GRIK2: variants seen among roughly 807,000 people sequenced by gnomAD.
GRIK2 encodes the protein glutamate receptor ionotropic, kainate 2.
GRIK2 carries 32 observed loss-of-function variants against 100.3 expected under a neutral mutation model. The observed-to-expected ratio is 0.32, with a 90% CI of 0.24 to 0.43. The LOEUF is 0.43. Ranked by LOEUF, GRIK2 falls within the 20% of genes least tolerant of loss-of-function variation. The probability of loss-of-function intolerance (pLI) is 1.00; values close to 1 mark genes in which losing one functional copy is unlikely to be tolerated. For synonymous variants in GRIK2, 417 were observed against 389.4 expected (o/e 1.07, Z -0.83); for missense variants, 843 against 1,114.9 (o/e 0.76, Z 3.47).
chr6:101,793,053 C>T (rs1780003927), intron 7 of GRIK2, among the ~76,000 whole-genome samples: 1 of 152,186 alleles, frequency 6.6e-6, no homozygotes, highest in South Asian at 2.1e-4. Context: ...TGGCTTTCAC[C>T]TCCGTCAGCT....
At chr6:101,397,471 A>C (rs1157902353) in intron 1 of GRIK2, among the ~76,000 whole-genome samples, 1 of 152,210 alleles carries the variant, frequency 6.6e-6, no homozygotes, top group Non-Finnish European at 1.5e-5. Context: ...ATTTGATTGA[A>C]TTGCCTGCTA....
chr6:101,506,625 T>G (rs886923790), intron 2 of GRIK2, among the ~76,000 whole-genome samples: 3 of 152,170 alleles, frequency 2.0e-5, no homozygotes, highest in Admixed American at 6.6e-5. Context: ...ATTTCTTAAC[T>G]GCGTAGACTA....
At chr6:101,925,907 A>G (rs1197085322) in intron 13 of GRIK2, among the ~76,000 whole-genome samples, 3 of 152,016 alleles carry the variant, frequency 2.0e-5, no homozygotes, top group Admixed American at 6.5e-5. Flanking sequence ...AAGTGAAAAT[A>G]CATAACTACA....
At chr6:101,568,530 A>T (rs1777387250) in intron 2 of GRIK2, among the ~76,000 whole-genome samples, 1 of 152,084 alleles carries the variant, frequency 6.6e-6, no homozygotes, top group Non-Finnish European at 1.5e-5. Context: ...GTCCTCTAGC[A>T]TATAGACTGT....
intron 2 of GRIK2, among the ~76,000 whole-genome samples, chr6:101,465,134 A>G (rs985355680): frequency 1.3e-5 from 2 of 152,142 alleles, no homozygotes; most frequent in South Asian, 2.1e-4. Flanking sequence ...TTTTTAATTT[A>G]TACACATAAC....
At chr6:101,909,764 G>T (rs1582513406) in intron 12 of GRIK2, among the ~76,000 whole-genome samples, 1 of 151,074 alleles carries the variant, frequency 6.6e-6, no homozygotes, top group East Asian at 1.9e-4. Context: ...AGATATATAT[G>T]CATTGTGTAA....
At chr6:101,640,066 G>T (rs903021556) in intron 4 of GRIK2, among the ~76,000 whole-genome samples, 2 of 152,036 alleles carry the variant, frequency 1.3e-5, no homozygotes, top group African/African-American at 4.8e-5. Flanking sequence ...TTTCTTTTGA[G>T]AAAACAAAAC....
At chr6:101,599,580 T>A (rs1260162001) in intron 2 of GRIK2, among the ~76,000 whole-genome samples, 1 of 151,286 alleles carries the variant, frequency 6.6e-6, no homozygotes, top group Non-Finnish European at 1.5e-5. Context: ...CTAGCCTCTA[T>A]ACTTTTTTAT....
At chr6:101,668,619 G>A (rs1770205297) in intron 4 of GRIK2, among the ~76,000 whole-genome samples, 1 of 152,044 alleles carries the variant, frequency 6.6e-6, no homozygotes, top group Admixed American at 6.6e-5. Context: ...AATCATTTTT[G>A]TGTAGCTTAT....
At chr6:101,938,881 A>G (rs1367677858) in intron 14 of GRIK2, among the ~76,000 whole-genome samples, 1 of 152,040 alleles carries the variant, frequency 6.6e-6, no homozygotes, top group Non-Finnish European at 1.5e-5. Flanking sequence ...TCCTGATAGT[A>G]TTTGAATTAT....
rs570914655 is a variant in GRIK2, at chr6:101,695,396, A to T, written c.951+9043A>T. On this transcript the variant is annotated intron_variant, in intron 7 of 16. Transcript: ENST00000369134. ...CATCTCTCAAAAGCCACACCTTTTA[A>T]TTCTGTTTTATTGGGGATTAAGTTT... Among the ~76,000 whole-genome samples the T allele has an allele frequency of 1.1e-3, 167 of 152,260 alleles. 2 individuals are homozygous for T. Among genetic ancestry groups the T allele is most frequent in the Admixed American group, 0.01 (159 of 15,264 alleles).
chr6:101,523,880 T>C (rs1775013046), intron 2 of GRIK2, among the ~76,000 whole-genome samples: 1 of 151,928 alleles, frequency 6.6e-6, no homozygotes. Context: ...CCAGCACGTG[T>C]GGCTAATTTT....
At chr6:102,012,700 C>A (rs543355520) in intron 14 of GRIK2, among the ~76,000 whole-genome samples, 1 of 152,184 alleles carries the variant, frequency 6.6e-6, no homozygotes, top group African/African-American at 2.4e-5. Context: ...ACTTTGAATC[C>A]TAAAACCTTG....
intron 10 of GRIK2, among the ~76,000 whole-genome samples, chr6:101,852,007 A>G (rs1784161033): frequency 6.6e-6 from 1 of 151,632 alleles, no homozygotes; most frequent in South Asian, 2.1e-4. Flanking sequence ...TTTTTTCATA[A>G]TAGATATAAT....
chr6:101,439,656 AT>A (rs1769935480), intron 2 of GRIK2, among the ~76,000 whole-genome samples: 1 of 152,120 alleles, frequency 6.6e-6, no homozygotes, highest in Admixed American at 6.6e-5. Flanking sequence ...ATCATTATAC[AT>A]GTAAATATGT....
intron 7 of GRIK2, among the ~76,000 whole-genome samples, chr6:101,743,829 G>T (rs1287744351): frequency 1.3e-5 from 2 of 152,060 alleles, no homozygotes; most frequent in African/African-American, 2.4e-5. Context: ...TTTAAAAAAC[G>T]TTAATAGGTT....
intron 14 of GRIK2, among the ~76,000 whole-genome samples, chr6:101,990,287 A>G (rs1794285934): frequency 6.6e-6 from 1 of 151,840 alleles, no homozygotes; most frequent in Non-Finnish European, 1.5e-5. Flanking sequence ...TATTATCCAC[A>G]TTCACATTTA....
chr6:101,658,577 G>A (rs1029961733), intron 4 of GRIK2, among the ~76,000 whole-genome samples: 1 of 112,960 alleles, frequency 8.9e-6, no homozygotes, highest in Non-Finnish European at 2.1e-5. Flanking sequence ...TCAGTAGTGG[G>A]ATTGCTGGAT....
intron 14 of GRIK2, among the ~76,000 whole-genome samples, chr6:101,965,936 T>G (rs1792643555): frequency 6.6e-6 from 1 of 152,186 alleles, no homozygotes; most frequent in African/African-American, 2.4e-5. Context: ...ATTATTCTTT[T>G]TATAATAATT....
Sources: gnomAD v4.1 joint callset for allele counts (sites outside exome capture counted in the v4.1 genomes callset) on GRCh38, gnomAD v4.1.1 for gene constraint, MANE v1.5 for transcripts, NCBI Gene and HGNC (gene_info 2026-07-23, HGNC 2026-07-21) for gene names.